FMNL3: variants seen among roughly 807,000 people sequenced by gnomAD.
FMNL3 encodes formin-like protein 3.
In FMNL3, 57 loss-of-function variants were observed where a neutral mutation model predicts 119.6. That is an observed-to-expected ratio of 0.48 (90% CI 0.39 to 0.59). The LOEUF is 0.59. Ranked by LOEUF, FMNL3 falls within the 20% of genes least tolerant of loss-of-function variation. The pLI, the probability that FMNL3 is intolerant of heterozygous loss-of-function variation, is 0.00. For missense variants in FMNL3, 1,053 were observed against 1,323.5 expected (o/e 0.80, Z 3.17); for synonymous variants, 491 against 507.3 (o/e 0.97, Z 0.43).
chr12:49,682,291 T>G (rs1289030501), intron 1 of FMNL3, among the ~76,000 whole-genome samples: 1 of 151,846 alleles, frequency 6.6e-6, no homozygotes, highest in Non-Finnish European at 1.5e-5. Flanking sequence ...AGAATGGTCT[T>G]GATCTCCTGA....
intron 1 of FMNL3, among the ~76,000 whole-genome samples, chr12:49,669,080 C>T (rs1943971133): frequency 6.6e-6 from 1 of 152,142 alleles, no homozygotes. Context: ...CCTGAGCCAC[C>T]CACAACCTAT....
chr12:49,694,861 G>A (rs1273507057), intron 1 of FMNL3, among the ~76,000 whole-genome samples: 1 of 151,878 alleles, frequency 6.6e-6, no homozygotes, highest in Non-Finnish European at 1.5e-5. Flanking sequence ...GCAGAGAGCC[G>A]AGATTGCGCC....
At chr12:49,683,065 T>C (rs552612633) in intron 1 of FMNL3, among the ~76,000 whole-genome samples, 1 of 152,274 alleles carries the variant, frequency 6.6e-6, no homozygotes, top group Non-Finnish European at 1.5e-5. Context: ...CTGCCACAAA[T>C]CTGTTTTTGG....
At chr12:49,677,794 T>A (rs990188449) in intron 1 of FMNL3, among the ~76,000 whole-genome samples, 6 of 152,186 alleles carry the variant, frequency 3.9e-5, no homozygotes, top group Non-Finnish European at 7.3e-5. Context: ...CCCAAGGAGG[T>A]AACATCTAAT....
intron 1 of FMNL3, among the ~76,000 whole-genome samples, chr12:49,673,549 T>C (rs1175673832): frequency 1.3e-5 from 2 of 152,242 alleles, no homozygotes; most frequent in East Asian, 1.9e-4. Context: ...TGGTGGGCAG[T>C]AGGCACAGCT....
At chr12:49,654,875 G>A (rs780790971) in intron 10 of FMNL3, 35 bp downstream of exon 10, 1 of 1,601,894 alleles carries the variant, frequency 6.2e-7, no homozygotes. Flanking sequence ...CACAGCCCTG[G>A]TGGGTATGTG....
intron 1 of FMNL3, among the ~76,000 whole-genome samples, chr12:49,705,489 A>AC (rs1327345753): frequency 2.0e-5 from 3 of 151,724 alleles, no homozygotes; most frequent in African/African-American, 7.3e-5. Context: ...AATCCACCTC[A>AC]CCCCATCCCT....
At chr12:49,674,402 A>G (rs766223389) in intron 1 of FMNL3, among the ~76,000 whole-genome samples, 5 of 152,150 alleles carry the variant, frequency 3.3e-5, no homozygotes, top group Non-Finnish European at 5.9e-5. Context: ...TCAAGAATAT[A>G]AAGGATGAAA....
chr12:49,681,282 G>A (rs956965934), intron 1 of FMNL3, among the ~76,000 whole-genome samples: 24 of 152,200 alleles, frequency 1.6e-4, no homozygotes, highest in South Asian at 4.2e-4. Flanking sequence ...CTCACTGCAA[G>A]CTCCGCCTCC....
At position 49,649,448 on chromosome 12, in the gene FMNL3, CCT is replaced by C. The variant is rs1943323300; in HGVS notation, c.2304+20_2304+21del. ...CTAGGACCTGAAAACCCCCAGCACCCCTGTTCACAACCTCTTCCCACCTCCAA... is the reference window on the plus strand; with the variant it reads ...CTAGGACCTGAAAACCCCCAGCACCCGTTCACAACCTCTTCCCACCTCCAA... On this transcript the variant is annotated intron_variant, in intron 19 of 25. Transcript: ENST00000335154. This position sits in a 1 kb window ranked among gnomAD's most constrained non-coding sequence, Gnocchi z 5.6. 1.2e-6 allele frequency: 2 copies of C among 1,614,008 alleles called. No individual in the cohort carries two copies. Among genetic ancestry groups the C allele is most frequent in the East Asian group, 2.2e-5 (1 of 44,892 alleles).
intron 1 of FMNL3, among the ~76,000 whole-genome samples, chr12:49,706,620 G>A (rs1243050454): frequency 1.3e-5 from 2 of 152,172 alleles, no homozygotes; most frequent in Non-Finnish European, 2.9e-5. Context: ...CATGTTCGCA[G>A]GAGAGGCGGT....
Position 49,646,917 on chromosome 12 carries a change from C to T in FMNL3, c.2964G>A (p.Gly988=). ...QAKEHRPVYE[G]KDGTIEDIIT... The stretch of plus-strand genomic sequence containing the variant: ...TGATGTCCTCGATGGTACCATCCTT[C>T]CCCTCATAAACAGGCCGGTGTTCCT... The change falls in exon 25 of 26, where the codon GGG becomes GGA. Residue 988 remains glycine, a synonymous_variant. Transcript: ENST00000335154. The T allele has an allele frequency of 6.2e-7, 1 of 1,614,062 alleles. No individual in the cohort carries two copies. The highest frequency in any genetic ancestry group is 8.5e-7 in the Non-Finnish European group (1 of 1,179,964).
chr12:49,701,092 AAAAG>A (rs1295043643), intron 1 of FMNL3, among the ~76,000 whole-genome samples: 2 of 151,826 alleles, frequency 1.3e-5, no homozygotes, highest in East Asian at 1.9e-4. Context: ...AAAAAAAAAA[AAAAG>A]AAATAATGAT....
chr12:49,682,856 G>A (rs772158027), intron 1 of FMNL3, among the ~76,000 whole-genome samples: 3 of 152,180 alleles, frequency 2.0e-5, no homozygotes, highest in African/African-American at 4.8e-5. Flanking sequence ...CCAGAACTTA[G>A]TGAAATGAAG....
chr12:49,674,339 T>C (rs1017354536), intron 1 of FMNL3, among the ~76,000 whole-genome samples: 1 of 152,194 alleles, frequency 6.6e-6, no homozygotes, highest in African/African-American at 2.4e-5. Context: ...CCTGCCTCGA[T>C]AGAGTAGGGG....
chr12:49,645,748 A>G lies in FMNL3; in HGVS notation c.*67T>C. The G allele has an allele frequency of 3.5e-6, 5 of 1,426,302 alleles. No individual in the cohort carries two copies. Among genetic ancestry groups the G allele is most frequent in the Non-Finnish European group, 3.8e-6 (4 of 1,044,228 alleles). 88.4% of individuals were successfully genotyped at this position (1,426,302 alleles called of 1,614,324 possible). On this transcript the variant is annotated 3_prime_UTR_variant, in exon 26 of 26. Coordinates refer to ENST00000335154, the MANE Select transcript of FMNL3 (RefSeq NM_175736.5). ...CAGCCCTCTCCTGAGCCCTTGGCCA[A>G]TTCCAGGTCCACTGGTTGGACTTGT... is the stretch of plus-strand genomic sequence containing the variant.
At chr12:49,653,574 G>A in intron 12 of FMNL3, 151 bp downstream of exon 12, 3 of 1,155,044 alleles carry the variant, frequency 2.6e-6, no homozygotes, top group Non-Finnish European at 2.5e-6. Context: ...GGATGATCCA[G>A]TGGCTCAGGC....
At position 49,650,689 on chromosome 12, in the gene FMNL3, T is replaced by C. The variant is rs755789773; in HGVS notation, c.1987A>G (p.Arg663Gly). 6.2e-7 allele frequency: 1 copy of C among 1,613,334 alleles called. No homozygotes were observed. ...KAGRSAEEIC[R>G]AIHTFDLQTL... ...TGGGAGCCTCACGTATGAATGGCCC[T>C]GCAGATCTCCTCAGCCGAGCGGCCA... is the stretch of plus-strand genomic sequence containing the variant. Residue 663 changes from arginine (R) to glycine (G), a missense_variant, in exon 17 of 26, where the codon AGG (arginine) becomes GGG (glycine). By Grantham distance (125) the Arg-to-Gly change is moderately radical (BLOSUM62 -2). Around this residue, in one of 4 missense-constraint regions of FMNL3, gnomAD observed 445 missense variants for 628.4 expected, o/e 0.71. Transcript: ENST00000335154.
At chr12:49,681,635 G>C (rs181893405) in intron 1 of FMNL3, among the ~76,000 whole-genome samples, 40 of 152,226 alleles carry the variant, frequency 2.6e-4, no homozygotes, top group Admixed American at 8.5e-4. Context: ...ATAGCTCCCT[G>C]CAGCCCCAAA....
Sources: gnomAD v4.1 joint callset for allele counts (sites outside exome capture counted in the v4.1 genomes callset) on GRCh38, gnomAD v4.1.1 for gene constraint, gnomAD v4.1.1 regional missense constraint, Gnocchi (gnomAD v3.1) non-coding constraint, MANE v1.5 for transcripts, NCBI Gene and HGNC (gene_info 2026-07-23, HGNC 2026-07-21) for gene names.